The following PLEKHH1 variants were observed in gnomAD, a reference collection of about 807,000 sequenced individuals.
PLEKHH1 encodes the protein pleckstrin homology domain-containing family H member 1.
In PLEKHH1, 104 loss-of-function variants were observed where a neutral mutation model predicts 160.0. That is an observed-to-expected ratio of 0.65 (90% CI 0.55 to 0.76). The LOEUF (loss-of-function observed/expected upper bound fraction) is 0.76. Among genes scored for constraint, PLEKHH1 ranks in the 30% least tolerant of loss-of-function variants. The probability of loss-of-function intolerance (pLI) is 0.00; values close to 1 mark genes in which losing one functional copy is unlikely to be tolerated. For synonymous variants in PLEKHH1, 619 were observed against 678.4 expected (o/e 0.91, Z 1.36); for missense variants, 1,427 against 1,724.1 (o/e 0.83, Z 3.05).
intron 11 of PLEKHH1, among the ~76,000 whole-genome samples, chr14:67,572,661 TC>T (rs2035445466): frequency 6.6e-6 from 1 of 152,206 alleles, no homozygotes; most frequent in South Asian, 2.1e-4. Flanking sequence ...GTCTCATTTG[TC>T]CTCACAATCC....
chr14:67,535,992 G>C (rs2033700064), intron 1 of PLEKHH1, among the ~76,000 whole-genome samples: 1 of 152,176 alleles, frequency 6.6e-6, no homozygotes, highest in Non-Finnish European at 1.5e-5. Flanking sequence ...ATGGCTTAAG[G>C]CCACAGGATT....
At chr14:67,537,675 GA>G (rs970139851) in intron 1 of PLEKHH1, among the ~76,000 whole-genome samples, 13 of 151,514 alleles carry the variant, frequency 8.6e-5, no homozygotes, top group African/African-American at 2.9e-4. Context: ...AAAAGAAAAA[GA>G]AAAAAAAGTA....
intron 2 of PLEKHH1, among the ~76,000 whole-genome samples, chr14:67,543,085 CTTAAAA>C (rs956508628): frequency 2.6e-5 from 4 of 152,202 alleles, no homozygotes; most frequent in East Asian, 3.8e-4. Context: ...AAGACCTGCA[CTTAAAA>C]TTAAGTGAAT....
intron 5 of PLEKHH1, among the ~76,000 whole-genome samples, chr14:67,560,025 A>C (rs541955559): frequency 2.0e-5 from 3 of 151,764 alleles, no homozygotes; most frequent in Non-Finnish European, 4.4e-5. Flanking sequence ...TTTTATTTTT[A>C]TTTATTTATT....
chr14:67,551,059 T>G (rs1594752557), intron 2 of PLEKHH1, among the ~76,000 whole-genome samples: 1 of 152,236 alleles, frequency 6.6e-6, no homozygotes, highest in Non-Finnish European at 1.5e-5. Flanking sequence ...ACAGACCAAG[T>G]GGTCCTGTTT....
chr14:67,569,485 T>TAGGAGGGAAAGGGAAGTCGTACAGGTTCA (rs2035269982), intron 8 of PLEKHH1, among the ~76,000 whole-genome samples: 1 of 152,150 alleles, frequency 6.6e-6, no homozygotes, highest in Non-Finnish European at 1.5e-5. Flanking sequence ...GCCTCCCACC[T>TAGGAGGGAAAGGGAAGTCGTACAGGTTCA]GCACAGGCTT....
chr14:67,571,876 T>G lies in PLEKHH1; in HGVS notation c.1559T>G (p.Leu520Arg). ...TCTGAGTCCAGGAAGACCAGCGGAC[T>G]AGGCAGCCCCCGGGCCATCAAGAGA... ...PSSESRKTSGLGSPRAIKRGV... is the reference protein window; with the variant it reads ...PSSESRKTSGRGSPRAIKRGV... The change falls in exon 10 of 29, where the codon CTA (leucine) becomes CGA (arginine). Residue 520 changes from leucine (L) to arginine (R), a missense_variant. Around this residue, in one of 6 missense-constraint regions of PLEKHH1, gnomAD observed 831 missense variants for 929.2 expected, o/e 0.89. Transcript: ENST00000329153. 1 of 1,612,688 alleles carries G rather than the reference T, an allele frequency of 6.2e-7. No individual in the cohort carries two copies. The highest frequency in any genetic ancestry group is 8.5e-7 in the Non-Finnish European group (1 of 1,179,314).
intron 9 of PLEKHH1, chr14:67,571,057 G>GATATGGTCCA (rs1376130766): frequency 6.6e-5 from 10 of 152,192 alleles, no homozygotes; most frequent in Non-Finnish European, 1.3e-4. Flanking sequence ...CAGTACCCTT[G>GATATGGTCCA]GTATCGAAGC....
At chr14:67,583,612 ATT>A in intron 24 of PLEKHH1, 127 bp from the exon 25 acceptor site, 1 of 620,230 alleles carries the variant, frequency 1.6e-6, no homozygotes, top group East Asian at 2.9e-5. Context: ...TTTCTAAAGT[ATT>A]TTTCACAACC....
chr14:67,549,973 C>T (rs749833458), intron 2 of PLEKHH1, among the ~76,000 whole-genome samples: 8 of 152,146 alleles, frequency 5.3e-5, no homozygotes, highest in Non-Finnish European at 1.0e-4. Flanking sequence ...TACCCCGGGC[C>T]CCATTCACCT....
intron 8 of PLEKHH1, 102 bp downstream of exon 8, chr14:67,569,318 C>A: frequency 1.3e-6 from 1 of 756,188 alleles, no homozygotes; most frequent in Non-Finnish European, 2.3e-6. Context: ...CCAGGGTTGG[C>A]TGGCCTACCC....
At chr14:67,557,460 A>G in intron 4 of PLEKHH1, 42 bp downstream of exon 4, 3 of 1,590,274 alleles carry the variant, frequency 1.9e-6, no homozygotes, top group South Asian at 2.2e-5. Flanking sequence ...CCTCTTCGAC[A>G]TCTGTACTGC....
chr14:67,577,631 A>G (rs138297907), intron 18 of PLEKHH1, among the ~76,000 whole-genome samples: 1,727 of 152,314 alleles, frequency 0.011, 25 homozygotes, highest in Non-Finnish European at 0.016. Flanking sequence ...GGAAATGCCA[A>G]TGAAAACTCT....
chr14:67,540,050 T>A (rs1389807981), intron 1 of PLEKHH1, among the ~76,000 whole-genome samples: 2 of 152,152 alleles, frequency 1.3e-5, no homozygotes, highest in African/African-American at 4.8e-5. Context: ...AGGAGGTGGC[T>A]GGGTTTTCTG....
chr14:67,562,128 G>T lies in PLEKHH1; in HGVS notation c.506-9G>T, dbSNP rs374189751. 5 of 1,610,844 alleles carry T rather than the reference G, an allele frequency of 3.1e-6. No homozygotes were observed. The highest frequency in any genetic ancestry group is 3.4e-6 in the Non-Finnish European group (4 of 1,177,718). On this transcript the variant is annotated splice_polypyrimidine_tract_variant and intron_variant, in intron 6 of 28. Transcript: ENST00000329153. ...GCTCTCAATGTGACTGTTTTTACCC[G>T]AATCACAGCTATTCAGATAGCTCCT...
intron 9 of PLEKHH1, chr14:67,570,255 T>C (rs1030471266): frequency 1.2e-6 from 1 of 830,676 alleles, no homozygotes. Flanking sequence ...CTATGCCCGC[T>C]TTACAGCTCT....
chr14:67,567,004 G>A (rs1331696803), intron 7 of PLEKHH1, among the ~76,000 whole-genome samples: 1 of 152,160 alleles, frequency 6.6e-6, no homozygotes, highest in East Asian at 1.9e-4. Flanking sequence ...CCCCCAGCTA[G>A]GCCCCAAGGA....
chr14:67,534,733 GC>G (rs1422382596), intron 1 of PLEKHH1, among the ~76,000 whole-genome samples: 2 of 151,844 alleles, frequency 1.3e-5, no homozygotes, highest in African/African-American at 4.8e-5. Context: ...AGCCTCTTCT[GC>G]CCTCTTCAGA....
chr14:67,574,362 CG>C lies in PLEKHH1; in HGVS notation c.2051del (p.Gly684ValfsTer7). 2 of 1,592,420 alleles carry C rather than the reference CG, an allele frequency of 1.3e-6. No homozygotes were observed. The highest frequency in any genetic ancestry group is 1.7e-6 in the Non-Finnish European group (2 of 1,169,380). ...GGCCACCGGGCCTCCAGCTCTGCTTCGGGGTGGCACCAAGCCCACCGTGAAG... is the reference window on the plus strand; with the variant it reads ...GGCCACCGGGCCTCCAGCTCTGCTTCGGGTGGCACCAAGCCCACCGTGAAG... ...VQATGPPALL[R>X]GGTKPTVKGW... On this transcript the variant is annotated frameshift_variant, in exon 14 of 29. Coordinates refer to ENST00000329153, the MANE Select transcript of PLEKHH1 (RefSeq NM_020715.3). LOFTEE classifies it high-confidence loss of function. The surrounding 1 kb of genome is among the most constrained non-coding windows in gnomAD (Gnocchi z 4.2).
Sources: gnomAD v4.1 joint callset for allele counts (sites outside exome capture counted in the v4.1 genomes callset) on GRCh38, gnomAD v4.1.1 for gene constraint, gnomAD v4.1.1 regional missense constraint, Gnocchi (gnomAD v3.1) non-coding constraint, MANE v1.5 for transcripts, NCBI Gene and HGNC (gene_info 2026-07-23, HGNC 2026-07-21) for gene names.